SORL1: variants seen among roughly 807,000 people sequenced by gnomAD.
The protein encoded by SORL1 is sortilin related receptor 1.
SORL1 carries 127 observed loss-of-function variants against 273.7 expected under a neutral mutation model. The observed-to-expected ratio is 0.46, with a 90% CI of 0.40 to 0.54. The LOEUF (loss-of-function observed/expected upper bound fraction) is 0.54, where lower values mean the gene tolerates loss of function less well. Among genes scored for constraint, SORL1 ranks in the 20% least tolerant of loss-of-function variants. The pLI, the probability that SORL1 is intolerant of heterozygous loss-of-function variation, is 0.00. For synonymous variants in SORL1, 1,031 were observed against 1,067.4 expected, an observed-to-expected ratio of 0.97 and a Z score of 0.66; for missense variants, 2,494 against 2,846.1, an observed-to-expected ratio of 0.88 and a Z score of 2.81.
rs549126325 is a variant in SORL1 at position 121,632,941 on chromosome 11, A to C, written c.*3378A>C. The C allele has an allele frequency of 6.6e-6, 1 of 152,266 alleles. No homozygotes were observed. Among genetic ancestry groups the C allele is most frequent in the East Asian group, 1.9e-4 (1 of 5,186 alleles). The allele number at this position is 152,266 out of a possible 1,614,324, so 9.4% of individuals were successfully genotyped here. The stretch of plus-strand genomic sequence containing the variant: ...CAGAGACATAACTAAACTGAATATC[A>C]TCCCATATTGATTTTAGGAATTGAC... On this transcript the variant is annotated 3_prime_UTR_variant, in exon 48 of 48. Transcript: ENST00000260197.
chr11:121,570,322 T>C, intron 23 of SORL1, 52 bp downstream of exon 23: 1 of 1,424,682 alleles, frequency 7.0e-7, no homozygotes. Flanking sequence ...AGAAGCCTGG[T>C]TGGCTCTTCC....
At chr11:121,557,671 G>A (rs1044178648) in intron 19 of SORL1, among the ~76,000 whole-genome samples, 15 of 152,200 alleles carry the variant, frequency 9.9e-5, no homozygotes, top group Non-Finnish European at 4.4e-5. Context: ...TGTTAAAAGA[G>A]AGCTTCTGTA....
intron 24 of SORL1, chr11:121,577,067 C>A: frequency 8.8e-7 from 1 of 1,132,128 alleles, no homozygotes; most frequent in Non-Finnish European, 1.3e-6. Context: ...CTGAGGGTCT[C>A]AGAATCTCAG....
At position 121,519,482 on chromosome 11, in the gene SORL1, G is replaced by A. The variant is rs1021133385; in HGVS notation, c.1212-1175G>A. Among the ~76,000 whole-genome samples, 8 of 151,928 alleles carry A rather than the reference G, an allele frequency of 5.3e-5. No homozygotes were observed. The South Asian group carries it at 1.7e-3, about 32-fold the overall frequency. On this transcript the variant is annotated intron_variant, in intron 8 of 47. Transcript: ENST00000260197. ...GTTGGAGTGCAGTGGCGCGATCTCG[G>A]CTCACTGCAAGCTCCGCGTCCCGGG...
chr11:121,551,734 C>T (rs12787570), intron 16 of SORL1, among the ~76,000 whole-genome samples: 3 of 152,162 alleles, frequency 2.0e-5, no homozygotes, highest in Admixed American at 6.5e-5. Flanking sequence ...TGCTCACTGC[C>T]GCCAGCTTGC....
In SORL1 at chr11:121,588,032, C is replaced by G. The variant is rs773791624; in HGVS notation, c.3827C>G (p.Thr1276Arg). The G allele has an allele frequency of 1.2e-6, 2 of 1,613,106 alleles. No homozygotes were observed. The highest frequency in any genetic ancestry group is 1.7e-5 in the Admixed American group (1 of 59,982). The change falls in exon 28 of 48, where the codon ACG becomes AGG. Residue 1276 changes from threonine to arginine, a missense_variant. Thr to Arg is a moderately conservative substitution (Grantham distance 71). Around this residue, in one of 3 missense-constraint regions of SORL1, gnomAD observed 1,609 missense variants for 1,816.4 expected, o/e 0.89. Transcript: ENST00000260197. ...GGATCCCTTACAGAGCCCCTCTGTACGCACTTCATGGACTTTGTGTGTAAG... is the reference window on the plus strand; with the variant it reads ...GGATCCCTTACAGAGCCCCTCTGTAGGCACTTCATGGACTTTGTGTGTAAG... ...SDEQHCEPLC[T>R]HFMDFVCKNR...
chr11:121,498,460 A>G (rs920704830), intron 6 of SORL1, among the ~76,000 whole-genome samples: 2 of 152,190 alleles, frequency 1.3e-5, no homozygotes, highest in African/African-American at 4.8e-5. Flanking sequence ...CTGAACTCTA[A>G]AACACATTGA....
chr11:121,494,136 A>C (rs1006225067), intron 5 of SORL1, among the ~76,000 whole-genome samples: 1 of 152,218 alleles, frequency 6.6e-6, no homozygotes, highest in South Asian at 2.1e-4. Flanking sequence ...GAATTACTAG[A>C]TAAGGGAACA....
At chr11:121,472,680 A>G (rs185747915) in intron 2 of SORL1, among the ~76,000 whole-genome samples, 2 of 152,316 alleles carry the variant, frequency 1.3e-5, no homozygotes, top group Non-Finnish European at 2.9e-5. Context: ...CCCATTGAAC[A>G]TGTGAAGTGG....
chr11:121,574,507 A>G (rs1037294379), intron 24 of SORL1, 144 bp downstream of exon 24: 7 of 712,748 alleles, frequency 9.8e-6, no homozygotes, highest in African/African-American at 8.9e-5. Context: ...CTCCATCCAC[A>G]TGGTGGGGTT....
At chr11:121,562,159 A>T (rs778121475) in intron 21 of SORL1, among the ~76,000 whole-genome samples, 1 of 152,112 alleles carries the variant, frequency 6.6e-6, no homozygotes, top group Admixed American at 6.5e-5. Context: ...AGCAAGTCAG[A>T]TCAGTAGGGG....
At chr11:121,582,853 AT>A (rs1027645357) in intron 25 of SORL1, among the ~76,000 whole-genome samples, 9 of 150,538 alleles carry the variant, frequency 6.0e-5, no homozygotes, top group African/African-American at 9.8e-5. Flanking sequence ...TTGAAATTGG[AT>A]TTTTTTTTTA....
chr11:121,601,741 T>C (rs1465040579), intron 32 of SORL1, among the ~76,000 whole-genome samples: 1 of 152,154 alleles, frequency 6.6e-6, no homozygotes, highest in African/African-American at 2.4e-5. Context: ...AAGCCCATGC[T>C]TTTTTGCTCT....
At chr11:121,573,820 GCCTTTA>G (rs377142312) in intron 23 of SORL1, among the ~76,000 whole-genome samples, 218 of 152,294 alleles carry the variant, frequency 1.4e-3, no homozygotes, top group African/African-American at 5.1e-3. Flanking sequence ...CCTCCATGCT[GCCTTTA>G]CCATCTGTAC....
intron 12 of SORL1, among the ~76,000 whole-genome samples, chr11:121,533,244 G>T (rs963771290): frequency 2.6e-5 from 4 of 152,110 alleles, no homozygotes; most frequent in South Asian, 2.1e-4. Flanking sequence ...CGTTAGGTTG[G>T]TGGGGGGTCT....
At chr11:121,626,778 T>C (rs947349538) in intron 46 of SORL1, 2 of 152,206 alleles carry the variant, frequency 1.3e-5, no homozygotes, top group African/African-American at 4.8e-5. Flanking sequence ...CTGGGATTTT[T>C]AACATGAAAA....
intron 29 of SORL1, among the ~76,000 whole-genome samples, chr11:121,589,816 A>G (rs1020593263): frequency 2.6e-5 from 4 of 152,222 alleles, no homozygotes; most frequent in Non-Finnish European, 4.4e-5. Context: ...ATATTGTAGT[A>G]TAGATCAGAG....
At chr11:121,516,923 G>A (rs187136287) in intron 8 of SORL1, among the ~76,000 whole-genome samples, 37 of 152,166 alleles carry the variant, frequency 2.4e-4, no homozygotes, top group Admixed American at 1.0e-3. Flanking sequence ...GTGGTGGCAC[G>A]TACCTATAGT....
chr11:121,590,719 T>A, intron 30 of SORL1: 1 of 668,284 alleles, frequency 1.5e-6, no homozygotes, highest in Non-Finnish European at 2.7e-6. Flanking sequence ...AGCCACCTGT[T>A]TCTTTCACCA....
Sources: allele counts gnomAD v4.1 joint callset (sites outside exome capture counted in the v4.1 genomes callset), GRCh38; gene constraint gnomAD v4.1.1; regional missense constraint gnomAD v4.1.1; transcripts MANE v1.5; gene names NCBI Gene and HGNC (gene_info 2026-07-23, HGNC 2026-07-21).